TAFA4: variants seen among roughly 807,000 people sequenced by gnomAD.
TAFA4 encodes the protein chemokine-like protein TAFA-4.
In TAFA4, 20 loss-of-function variants were observed where a neutral mutation model predicts 21.1. The ratio of observed to expected loss-of-function variants is 0.95; its 90% CI spans 0.67 to 1.38. TAFA4 has a LOEUF of 1.38. Ranked by LOEUF, TAFA4 falls within the 40% of genes most tolerant of loss-of-function variation. The pLI, the probability that TAFA4 is intolerant of heterozygous loss-of-function variation, is 0.00. For missense variants in TAFA4, 211 were observed against 180.9 expected, an observed-to-expected ratio of 1.17 and a Z score of -0.95; for synonymous variants, 71 against 67.4, an observed-to-expected ratio of 1.05 and a Z score of -0.26.
intron 3 of TAFA4, among the ~76,000 whole-genome samples, chr3:68,788,374 T>C (rs1169265483): frequency 6.6e-6 from 1 of 152,238 alleles, no homozygotes; most frequent in East Asian, 1.9e-4. Flanking sequence ...TTCATCTTCT[T>C]TGAATCTTTA....
chr3:68,790,897 T>C (rs910242157), intron 3 of TAFA4, among the ~76,000 whole-genome samples: 2 of 152,194 alleles, frequency 1.3e-5, no homozygotes, highest in Non-Finnish European at 2.9e-5. Flanking sequence ...CCTTTCAAAG[T>C]ATTTATGGCA....
At chr3:68,761,793 G>A (rs886399589) in intron 3 of TAFA4, among the ~76,000 whole-genome samples, 8 of 152,202 alleles carry the variant, frequency 5.3e-5, no homozygotes, top group Non-Finnish European at 1.2e-4. Flanking sequence ...CTGGAAAGCT[G>A]GTGGTGGCTT....
chr3:68,785,501 A>G (rs1216484120), intron 3 of TAFA4, among the ~76,000 whole-genome samples: 1 of 152,212 alleles, frequency 6.6e-6, no homozygotes, highest in African/African-American at 2.4e-5. Context: ...AATGGAGCAC[A>G]GCAGCTGCTG....
intron 3 of TAFA4, among the ~76,000 whole-genome samples, chr3:68,826,883 T>A (rs1033886368): frequency 3.9e-5 from 6 of 152,040 alleles, no homozygotes; most frequent in Non-Finnish European, 8.8e-5. Flanking sequence ...TTTCAAAAAA[T>A]TTCTGTATTT....
chr3:68,894,844 GGTTTT>G lies in TAFA4; in HGVS notation c.-122-9539_-122-9535del, dbSNP rs371557807. Among the ~76,000 whole-genome samples, 302 of 152,012 alleles carry G rather than the reference GGTTTT, an allele frequency of 2.0e-3. 1 individual carries two copies. Among genetic ancestry groups the G allele is most frequent in the South Asian group, 0.011 (55 of 4,800 alleles). The stretch of plus-strand genomic sequence containing the variant: ...GTAAAAGAAGTTTGAGGGTGTTTTT[GGTTTT>G]GTTTTGTTTTGTTTTGTTTTTTGTA... On this transcript the variant is annotated intron_variant, in intron 1 of 5. Coordinates refer to ENST00000295569, the MANE Select transcript of TAFA4 (RefSeq NM_182522.5).
chr3:68,741,516 C>T (rs566495976), intron 4 of TAFA4, among the ~76,000 whole-genome samples: 46 of 152,158 alleles, frequency 3.0e-4, no homozygotes, highest in South Asian at 2.7e-3. Context: ...AGAACTTGGC[C>T]GGGTGCCGTG....
chr3:68,757,860 GTGT>G (rs1172896936), intron 3 of TAFA4, among the ~76,000 whole-genome samples: 1 of 151,956 alleles, frequency 6.6e-6, no homozygotes, highest in Non-Finnish European at 1.5e-5. Context: ...ACACATTATA[GTGT>G]TGTATCTCAC....
intron 3 of TAFA4, among the ~76,000 whole-genome samples, chr3:68,832,324 C>T (rs1367315505): frequency 6.6e-6 from 1 of 152,122 alleles, no homozygotes; most frequent in Non-Finnish European, 1.5e-5. Flanking sequence ...GTTTTATCTA[C>T]CTTTGGTCTT....
intron 2 of TAFA4, among the ~76,000 whole-genome samples, chr3:68,884,192 T>A (rs931505594): frequency 6.6e-6 from 1 of 152,214 alleles, no homozygotes; most frequent in African/African-American, 2.4e-5. Flanking sequence ...TTCCTCCCGC[T>A]TCCCCTATAT....
intron 3 of TAFA4, among the ~76,000 whole-genome samples, chr3:68,832,161 CT>C (rs1458592586): frequency 6.6e-6 from 1 of 152,114 alleles, no homozygotes; most frequent in Non-Finnish European, 1.5e-5. Context: ...TATTACCCAC[CT>C]TCTGAAGCCT....
At chr3:68,767,293 A>C (rs1408255886) in intron 3 of TAFA4, among the ~76,000 whole-genome samples, 2 of 152,176 alleles carry the variant, frequency 1.3e-5, no homozygotes, top group Non-Finnish European at 2.9e-5. Context: ...AATCCAATTC[A>C]AAAGAGTGGC....
rs140722910 is a variant in TAFA4, at chr3:68,880,800, A to C, written c.60T>G (p.Phe20Leu). ...AKSVLLSHWL[F>L]LAYVLMVCCK... ...AGCACACCATTAACACGTAGGCTAG[A>C]AAGAGCCAGTGCGACAGCAACACTG... is the stretch of plus-strand genomic sequence containing the variant. Residue 20 changes from phenylalanine to leucine, a missense_variant, in exon 3 of 6, where the codon TTT becomes TTG. Coordinates refer to ENST00000295569, the MANE Select transcript of TAFA4 (RefSeq NM_182522.5). 7.4e-5 allele frequency: 119 copies of C among 1,613,732 alleles called. No individual in the cohort carries two copies. The highest frequency in any genetic ancestry group is 3.4e-4 in the Middle Eastern group (2 of 5,920).
rs577909152 is a variant in TAFA4, at chr3:68,792,255, C to A, written c.131-39237G>T. On this transcript the variant is annotated intron_variant, in intron 3 of 5. Coordinates refer to ENST00000295569, the MANE Select transcript of TAFA4 (RefSeq NM_182522.5). ...CCTTTCATCATTAGTGGAGGGAAAT[C>A]ATCAATTATTAATCTTATTTCTATT... is the stretch of plus-strand genomic sequence containing the variant. 1.1e-4 allele frequency among the ~76,000 whole-genome samples: 17 copies of A among 152,172 alleles called. No individual in the cohort carries two copies. The South Asian group carries it at 3.5e-3, about 32-fold the overall frequency.
intron 3 of TAFA4, among the ~76,000 whole-genome samples, chr3:68,793,230 G>T (rs1455236272): frequency 6.6e-6 from 1 of 152,098 alleles, no homozygotes; most frequent in Non-Finnish European, 1.5e-5. Flanking sequence ...TGGTTCACTG[G>T]CATGAGCCCA....
chr3:68,898,628 A>G (rs2089815070), intron 1 of TAFA4, among the ~76,000 whole-genome samples: 2 of 152,258 alleles, frequency 1.3e-5, no homozygotes, highest in African/African-American at 4.8e-5. Context: ...CCTGGGTGAC[A>G]GAATGAGATT....
intron 4 of TAFA4, among the ~76,000 whole-genome samples, chr3:68,741,787 A>G (rs9681520): frequency 0.65 from 99,382 of 151,772 alleles, 33,144 homozygotes; most frequent in East Asian, 0.98. Context: ...GCAAGACTCC[A>G]TCTCAAAAAA....
intron 3 of TAFA4, among the ~76,000 whole-genome samples, chr3:68,833,965 A>G (rs1378845363): frequency 1.3e-5 from 2 of 152,158 alleles, no homozygotes. Flanking sequence ...TAAAGCCCCT[A>G]ACACTCAGTT....
intron 3 of TAFA4, among the ~76,000 whole-genome samples, chr3:68,825,957 A>G (rs754240095): frequency 4.6e-5 from 7 of 152,160 alleles, no homozygotes; most frequent in Non-Finnish European, 8.8e-5. Flanking sequence ...CAACATCACA[A>G]TGAGGTTTTT....
chr3:68,873,910 C>T (rs1264851633), intron 3 of TAFA4, among the ~76,000 whole-genome samples: 2 of 152,166 alleles, frequency 1.3e-5, no homozygotes, highest in Non-Finnish European at 2.9e-5. Flanking sequence ...TTATTCCCAG[C>T]CCTTTCCCAG....
Sources: gnomAD v4.1 joint callset for allele counts (sites outside exome capture counted in the v4.1 genomes callset) on GRCh38, gnomAD v4.1.1 for gene constraint, MANE v1.5 for transcripts, NCBI Gene and HGNC (gene_info 2026-07-23, HGNC 2026-07-21) for gene names.